Variants in VPS37A observed in about 807,000 individuals in gnomAD.
VPS37A encodes VPS37A subunit of ESCRT-I.
A neutral mutation model predicts 49.8 loss-of-function variants in VPS37A; 30 were observed. The ratio of observed to expected loss-of-function variants is 0.60; its 90% CI spans 0.45 to 0.82. The LOEUF (loss-of-function observed/expected upper bound fraction) is 0.82, where lower values mean the gene tolerates loss of function less well. Ranked by LOEUF, VPS37A falls within the 40% of genes least tolerant of loss-of-function variation. The probability of loss-of-function intolerance (pLI) is 0.00; values close to 1 mark genes in which losing one functional copy is unlikely to be tolerated. For missense variants in VPS37A, 593 were observed against 464.4 expected (o/e 1.28, Z -2.55); for synonymous variants, 195 against 160.6 (o/e 1.21, Z -1.62).
At chr8:17,316,492 C>T in the VPS37A span, among the ~76,000 whole-genome samples, 2 of 150,836 alleles carry the variant, frequency 1.3e-5, no homozygotes, top group Non-Finnish European at 2.9e-5. Flanking sequence ...TTTCTACAGT[C>T]TCCTTGTGGA....
At position 17,247,176 on chromosome 8, in the gene VPS37A, G is replaced by A; in HGVS notation, c.-69G>A. The A allele has an allele frequency of 1.9e-6, 3 of 1,546,724 alleles. No homozygotes were observed. The highest frequency in any genetic ancestry group is 2.6e-6 in the Non-Finnish European group (3 of 1,146,192). ...CCCGCTCCTCTGTCGCTGGAGAACC[G>A]CCGGGCCGAGCCACTGGGAGAAGCA... is the stretch of plus-strand genomic sequence containing the variant. On this transcript the variant is annotated 5_prime_UTR_variant, in exon 1 of 12. Coordinates refer to ENST00000324849, the MANE Select transcript of VPS37A (RefSeq NM_152415.3).
chr8:17,268,277 C>G lies in VPS37A; in HGVS notation c.220C>G (p.Pro74Ala), dbSNP rs1372849438. Reference sequence around the variant, plus strand: ...TACCAGATTGCTTCCTCCACAGTTTCCTCAGGAAAAACCAGTGATCAGTGT... The same window carrying G: ...TACCAGATTGCTTCCTCCACAGTTTGCTCAGGAAAAACCAGTGATCAGTGT... ...NINILLPPQF[P>A]QEKPVISVYP... Residue 74 changes from proline (P) to alanine (A), a missense_variant, in exon 3 of 12, where the codon CCT becomes GCT. Coordinates refer to ENST00000324849, the MANE Select transcript of VPS37A (RefSeq NM_152415.3). 1.9e-6 allele frequency: 3 copies of G among 1,612,362 alleles called. No homozygotes were observed. The highest frequency in any genetic ancestry group is 2.5e-6 in the Non-Finnish European group (3 of 1,179,608).
intron 10 of VPS37A, among the ~76,000 whole-genome samples, chr8:17,285,732 A>G (rs1343304675): frequency 3.3e-5 from 5 of 152,296 alleles, no homozygotes; most frequent in African/African-American, 4.8e-5. Flanking sequence ...TTATTCTTCA[A>G]TGCTGTGTAA....
chr8:17,333,147 A>G, the VPS37A span, among the ~76,000 whole-genome samples: 1 of 152,184 alleles, frequency 6.6e-6, no homozygotes, highest in Non-Finnish European at 1.5e-5. Context: ...CAGCTGGGCC[A>G]CATCAGCCCC....
chr8:17,302,236 G>A (rs763467455), downstream of VPS37A: 19 of 1,613,950 alleles, frequency 1.2e-5, no homozygotes, highest in South Asian at 3.3e-5. Context: ...TGACTGTCGG[G>A]GCTGCATCCC....
the VPS37A span, among the ~76,000 whole-genome samples, chr8:17,314,656 G>A: frequency 6.6e-6 from 1 of 152,182 alleles, no homozygotes. Flanking sequence ...AGTCATAGAT[G>A]ACAACAGTGT....
chr8:17,268,245 C>A lies in VPS37A; in HGVS notation c.201-13C>A, dbSNP rs1267933308. On this transcript the variant is annotated splice_polypyrimidine_tract_variant and intron_variant, in intron 2 of 11. Transcript: ENST00000324849. ...TCTTTGTTTTTGTTTTTCATCTGTT[C>A]TACCTCTACCAGATTGCTTCCTCCA... 7.0e-6 allele frequency: 11 copies of A among 1,576,862 alleles called. No individual in the cohort carries two copies. The South Asian group carries it at 1.2e-4, about 18-fold the overall frequency.
chr8:17,257,651 G>T (rs927384623), intron 1 of VPS37A, among the ~76,000 whole-genome samples: 13 of 152,100 alleles, frequency 8.5e-5, no homozygotes, highest in African/African-American at 3.1e-4. Flanking sequence ...AAAAAATTGT[G>T]ATTGTTTCTA....
chr8:17,287,544 G>A (rs538213326), intron 11 of VPS37A, among the ~76,000 whole-genome samples: 1 of 152,106 alleles, frequency 6.6e-6, no homozygotes, highest in African/African-American at 2.4e-5. Context: ...CGGGCATGGT[G>A]GCAGGCACCT....
At chr8:17,255,263 C>CT (rs1388339472) in intron 1 of VPS37A, among the ~76,000 whole-genome samples, 22 of 152,154 alleles carry the variant, frequency 1.4e-4, no homozygotes, top group African/African-American at 4.1e-4. Flanking sequence ...GGTGGATCGC[C>CT]TGAGGTCAGG....
the VPS37A span, among the ~76,000 whole-genome samples, chr8:17,327,291 C>T: frequency 6.6e-6 from 1 of 152,114 alleles, no homozygotes; most frequent in African/African-American, 2.4e-5. Context: ...ATTTTTGAGA[C>T]AGAGCCTAAC....
downstream of VPS37A, among the ~76,000 whole-genome samples, chr8:17,305,459 A>G (rs1817386273): frequency 6.6e-6 from 1 of 152,144 alleles, no homozygotes; most frequent in African/African-American, 2.4e-5. Context: ...TTTTCCTTTT[A>G]AATGCAAAAA....
intron 11 of VPS37A, among the ~76,000 whole-genome samples, chr8:17,293,858 C>G (rs1160855924): frequency 6.6e-6 from 1 of 152,182 alleles, no homozygotes; most frequent in Non-Finnish European, 1.5e-5. Context: ...AAAGTGCCAG[C>G]CAGAGCTCTC....
the VPS37A span, among the ~76,000 whole-genome samples, chr8:17,322,778 T>C: frequency 6.6e-6 from 1 of 152,162 alleles, no homozygotes; most frequent in Non-Finnish European, 1.5e-5. Context: ...TGAGCTACAG[T>C]TGCATCACTG....
At chr8:17,312,928 C>G in the VPS37A span, among the ~76,000 whole-genome samples, 1 of 152,198 alleles carries the variant, frequency 6.6e-6, no homozygotes, top group Non-Finnish European at 1.5e-5. Context: ...ATGACTTTTG[C>G]TTATGCCATG....
At chr8:17,312,620 A>G in the VPS37A span, among the ~76,000 whole-genome samples, 1 of 151,608 alleles carries the variant, frequency 6.6e-6, no homozygotes, top group Non-Finnish European at 1.5e-5. Flanking sequence ...CTCCCCCAGC[A>G]GAATATAAGC....
downstream of VPS37A, among the ~76,000 whole-genome samples, chr8:17,303,464 T>G (rs1288008475): frequency 6.6e-6 from 1 of 152,078 alleles, no homozygotes; most frequent in African/African-American, 2.4e-5. Flanking sequence ...TCTGCATGAG[T>G]CTTTTGATGT....
At chr8:17,293,107 C>G (rs1816296844) in intron 11 of VPS37A, among the ~76,000 whole-genome samples, 1 of 152,088 alleles carries the variant, frequency 6.6e-6, no homozygotes, top group Non-Finnish European at 1.5e-5. Context: ...TAGGTTTTGT[C>G]TTTTCACATA....
intron 4 of VPS37A, among the ~76,000 whole-genome samples, chr8:17,269,978 G>C (rs1004088643): frequency 6.6e-6 from 1 of 152,110 alleles, no homozygotes; most frequent in African/African-American, 2.4e-5. Flanking sequence ...CATCTGAGGA[G>C]CTTTTACTCC....
Sources: allele counts gnomAD v4.1 joint callset (sites outside exome capture counted in the v4.1 genomes callset), GRCh38; gene constraint gnomAD v4.1.1; transcripts MANE v1.5; gene names NCBI Gene and HGNC (gene_info 2026-07-23, HGNC 2026-07-21).